CTCFL: variants seen among roughly 807,000 people sequenced by gnomAD.
CTCFL encodes the protein transcriptional repressor CTCFL.
In CTCFL, 36 loss-of-function variants were observed where a neutral mutation model predicts 67.4. That is an observed-to-expected ratio of 0.53 (90% CI 0.41 to 0.71). The LOEUF (loss-of-function observed/expected upper bound fraction) is 0.71. Among genes scored for constraint, CTCFL ranks in the 30% least tolerant of loss-of-function variants. The pLI is 0.00. For missense variants in CTCFL, 786 were observed against 835.2 expected, an observed-to-expected ratio of 0.94 and a Z score of 0.73; for synonymous variants, 324 against 302.3, an observed-to-expected ratio of 1.07 and a Z score of -0.75.
intron 7 of CTCFL, among the ~76,000 whole-genome samples, chr20:57,514,103 T>G (rs1332379830): frequency 6.6e-6 from 1 of 152,182 alleles, no homozygotes; most frequent in East Asian, 1.9e-4. Flanking sequence ...GTGACTGTCT[T>G]AAGGGGAAAA....
chr20:57,512,185 A>G (rs2068609133), intron 8 of CTCFL, among the ~76,000 whole-genome samples: 1 of 152,202 alleles, frequency 6.6e-6, no homozygotes, highest in Admixed American at 6.5e-5. Context: ...TGTCATGTAA[A>G]ACTGCCCTTT....
intron 1 of CTCFL, chr20:57,524,468 G>T: frequency 1.7e-5 from 22 of 1,302,988 alleles, no homozygotes; most frequent in Non-Finnish European, 2.2e-5. Flanking sequence ...GGCCTCAGCA[G>T]GCTTAGGGCC....
Position 57,500,083 on chromosome 20 carries a change from G to GT in CTCFL, c.1841-1383dup, listed in dbSNP as rs142568316. ...ATATTTTTGTCCATGCTTCCTTGAA[G>GT]TATTTTTTTTTTTTTTTTTTTGGTG... On this transcript the variant is annotated intron_variant, in intron 10 of 10. Transcript: ENST00000243914. The GT allele has an allele frequency of 2.5e-5, 19 of 760,612 alleles. No individual in the cohort carries two copies. The African/African-American group carries it at 5.3e-4, about 21-fold the overall frequency. The allele number at this position is 760,612 out of a possible 1,614,324, so 47.1% of individuals were successfully genotyped here.
Position 57,514,747 on chromosome 20 carries a change from A to C in CTCFL, c.1181-6T>G. ...GCATTCGTAAGGCTTCTCACCTGAG[A>C]TGCAGACAACAAAGTGATTCCCCCT... On this transcript the variant is annotated splice_region_variant and splice_polypyrimidine_tract_variant and intron_variant, in intron 6 of 10. Transcript: ENST00000243914. The C allele has an allele frequency of 6.2e-7, 1 of 1,613,502 alleles. No individual in the cohort carries two copies.
intron 9 of CTCFL, chr20:57,507,975 C>T (rs2068310404): frequency 3.1e-6 from 2 of 643,034 alleles, no homozygotes; most frequent in African/African-American, 1.8e-5. Flanking sequence ...CAGGGTCTCA[C>T]TCTGTCTTTG....
Position 57,523,888 on chromosome 20 carries a change from T to C in CTCFL, c.318A>G (p.Glu106=), listed in dbSNP as rs1368578229. 4 of 1,613,176 alleles carry C rather than the reference T, an allele frequency of 2.5e-6. No homozygotes were observed. The highest frequency in any genetic ancestry group is 3.4e-6 in the Non-Finnish European group (4 of 1,180,042). The change falls in exon 2 of 11, where the codon GAA becomes GAG. Residue 106 remains glutamate, a synonymous_variant. Transcript: ENST00000243914. Reference sequence around the variant, plus strand: ...GCTGTTGCACCACCACCTGCACCCCTTCTTGCTGCTGTATGCTCAGCAAGC... The same window carrying C: ...GCTGTTGCACCACCACCTGCACCCCCTCTTGCTGCTGTATGCTCAGCAAGC... ...DMSLLSIQQQ[E]GVQVVVQQPG... is the part of the protein sequence containing the mutation.
At chr20:57,500,926 T>C (rs1190888164) in intron 10 of CTCFL, among the ~76,000 whole-genome samples, 2 of 152,160 alleles carry the variant, frequency 1.3e-5, no homozygotes, top group Non-Finnish European at 2.9e-5. Context: ...CAAGTGTCCT[T>C]TAGGTGCGGA....
Position 57,523,986 on chromosome 20 carries a change from C to T in CTCFL, c.220G>A (p.Glu74Lys). 1 of 1,613,260 alleles carries T rather than the reference C, an allele frequency of 6.2e-7. No homozygotes were observed. The highest frequency in any genetic ancestry group is 8.5e-7 in the Non-Finnish European group (1 of 1,180,004). ...AGGGTCAGGATGTACTTCTCGCTCT[C>T]CTCCGAGGGGGCCAGCACCAGCTCC... Reference protein sequence around the residue: ...EVELVLAPSEESEKYILTLQT... With the variant: ...EVELVLAPSEKSEKYILTLQT... The change falls in exon 2 of 11, where the codon GAG becomes AAG. Residue 74 changes from glutamate (E) to lysine (K), a missense_variant. Glu to Lys is a moderately conservative substitution (Grantham distance 56). Around this residue, in one of 3 missense-constraint regions of CTCFL, gnomAD observed 333 missense variants for 304.6 expected, o/e 1.09. Coordinates refer to ENST00000243914, the MANE Select transcript of CTCFL (RefSeq NM_001386993.1).
intron 4 of CTCFL, 51 bp from the exon 5 acceptor site, chr20:57,518,942 T>G (rs2146422294): frequency 6.5e-7 from 1 of 1,547,244 alleles, no homozygotes; most frequent in East Asian, 2.3e-5. Context: ...ACCAGAAACA[T>G]TCCAAGGAAT....
At chr20:57,514,251 G>A (rs1470630054) in intron 7 of CTCFL, among the ~76,000 whole-genome samples, 2 of 152,124 alleles carry the variant, frequency 1.3e-5, no homozygotes, top group African/African-American at 4.8e-5. Context: ...CCCTTGGTTC[G>A]TATGACTCCC....
chr20:57,518,664 T>A, intron 5 of CTCFL, 94 bp downstream of exon 5: 1 of 1,603,096 alleles, frequency 6.2e-7, no homozygotes, highest in South Asian at 1.1e-5. Flanking sequence ...AAAGCCTGTT[T>A]GTAACAGATT....
chr20:57,519,483 A>T, intron 3 of CTCFL, 106 bp from the exon 4 acceptor site: 1 of 915,410 alleles, frequency 1.1e-6, no homozygotes, highest in South Asian at 1.5e-5. Context: ...GGAACTGAAC[A>T]ATAGCACATG....
At chr20:57,506,200 C>T (rs117208740) in intron 9 of CTCFL, among the ~76,000 whole-genome samples, 256 of 152,348 alleles carry the variant, frequency 1.7e-3, no homozygotes, top group Middle Eastern at 0.014. Context: ...CTCAAGAAGT[C>T]GTGGCAGAAA....
rs1365875920 is a variant in CTCFL at position 57,508,784 on chromosome 20, C to T, written c.1496G>A (p.Arg499His). ...GGTACGAATGTGAGCGGTCATATGA[C>T]GTTCCTAAGAGGGAAGGGGAAGAAA... ...KHCSYACKQE[R>H]HMTAHIRTHT... Residue 499 changes from arginine to histidine, a missense_variant, in exon 9 of 11, where the codon CGT becomes CAT. Physicochemically the swap from Arg to His is conservative, Grantham distance 29. Transcript: ENST00000243914. 7.4e-6 allele frequency: 12 copies of T among 1,613,716 alleles called. No homozygotes were observed. The highest frequency in any genetic ancestry group is 6.7e-5 in the East Asian group (3 of 44,904).
At chr20:57,502,061 T>G (rs1385882770) in intron 10 of CTCFL, among the ~76,000 whole-genome samples, 3 of 152,206 alleles carry the variant, frequency 2.0e-5, no homozygotes. Context: ...TGTGCACAAT[T>G]CTGGAGAGTT....
intron 5 of CTCFL, among the ~76,000 whole-genome samples, chr20:57,517,550 T>C (rs1345695090): frequency 6.6e-6 from 1 of 152,090 alleles, no homozygotes; most frequent in East Asian, 1.9e-4. Context: ...AGTGCTGGGA[T>C]TGCAGGCGTG....
chr20:57,499,998 A>G (rs755865882), intron 10 of CTCFL: 2 of 986,492 alleles, frequency 2.0e-6, no homozygotes, highest in South Asian at 4.6e-5. Flanking sequence ...TACTTTCCCA[A>G]ACATCCACAG....
At position 57,497,583 on chromosome 20, in the gene CTCFL, C is replaced by T. The variant is rs930028550; in HGVS notation, c.*967G>A. 1.7e-5 allele frequency: 17 copies of T among 985,288 alleles called. No individual in the cohort carries two copies. The highest frequency in any genetic ancestry group is 1.1e-4 in the East Asian group (1 of 8,832). 61.0% of individuals were successfully genotyped at this position (985,288 alleles called of 1,614,324 possible). A position where few individuals can be genotyped will look rare whatever the true frequency, so the allele number is the denominator to read the frequency against. ...TCAAGTGTTAAAGAGGCATCTCTCACGCTGCTCGAGGGTGGAAAAATCTTG... is the reference window on the plus strand; with the variant it reads ...TCAAGTGTTAAAGAGGCATCTCTCATGCTGCTCGAGGGTGGAAAAATCTTG... On this transcript the variant is annotated 3_prime_UTR_variant, in exon 11 of 11. Transcript: ENST00000243914.
At chr20:57,514,954 C>T in intron 6 of CTCFL, 1 of 565,748 alleles carries the variant, frequency 1.8e-6, no homozygotes, top group African/African-American at 1.9e-5. Context: ...ACATGACTTC[C>T]CCGCATCTGG....
Sources: gnomAD v4.1 joint callset for allele counts (sites outside exome capture counted in the v4.1 genomes callset) on GRCh38, gnomAD v4.1.1 for gene constraint, gnomAD v4.1.1 regional missense constraint, MANE v1.5 for transcripts, NCBI Gene and HGNC (gene_info 2026-07-23, HGNC 2026-07-21) for gene names.